FSTL4: variants seen among roughly 807,000 people sequenced by gnomAD.
The protein encoded by FSTL4 is follistatin like 4, also known as follistatin-related protein 4.
Under a neutral mutation model 78.2 loss-of-function variants are expected in FSTL4, and 28 were observed. That is an observed-to-expected ratio of 0.36 (90% CI 0.27 to 0.49). The LOEUF (loss-of-function observed/expected upper bound fraction) is 0.49, where lower values mean the gene tolerates loss of function less well. Among genes scored for constraint, FSTL4 ranks in the 20% least tolerant of loss-of-function variants. The pLI is 0.98. For synonymous variants in FSTL4, 422 were observed against 440.5 expected (o/e 0.96, Z 0.53); for missense variants, 922 against 1,084.9 (o/e 0.85, Z 2.11).
the FSTL4 span, among the ~76,000 whole-genome samples, chr5:133,774,497 G>A: frequency 6.6e-6 from 1 of 152,160 alleles, no homozygotes; most frequent in Admixed American, 6.5e-5. Flanking sequence ...TAGTGCTGAA[G>A]TTAAGAAACA....
At chr5:133,393,658 C>T (rs987977687) in intron 4 of FSTL4, among the ~76,000 whole-genome samples, 1 of 152,240 alleles carries the variant, frequency 6.6e-6, no homozygotes, top group African/African-American at 2.4e-5. Context: ...CAAGGCCAGA[C>T]CAGGCTGAAG....
chr5:133,490,359 A>T lies in FSTL4; in HGVS notation c.160+76827T>A, dbSNP rs930533764. Among the ~76,000 whole-genome samples the T allele has an allele frequency of 1.2e-4, 18 of 150,716 alleles. 1 individual carries two copies. The highest frequency in any genetic ancestry group is 4.1e-4 in the African/African-American group (17 of 41,454). On this transcript the variant is annotated intron_variant, in intron 3 of 15. Transcript: ENST00000265342. ...ACTGCCAGTCTTGTCAGAGTTTGAC[A>T]ATTTTAAAAGTTTTTTTTTTTTTTC...
At chr5:133,510,169 A>C (rs566241895) in intron 3 of FSTL4, among the ~76,000 whole-genome samples, 1 of 152,310 alleles carries the variant, frequency 6.6e-6, no homozygotes, top group African/African-American at 2.4e-5. Context: ...TGATTAACTA[A>C]TTTGTCTAAG....
chr5:133,453,468 T>A (rs1365850215), intron 3 of FSTL4, among the ~76,000 whole-genome samples: 1 of 152,188 alleles, frequency 6.6e-6, no homozygotes, highest in Non-Finnish European at 1.5e-5. Context: ...GGGCCTCACA[T>A]AGGGACCTAT....
In FSTL4 at chr5:133,225,916, C is replaced by A. The variant is rs1751319182; in HGVS notation, c.1016-97G>T. The A allele has an allele frequency of 4.6e-6, 4 of 877,178 alleles. No individual in the cohort carries two copies. The highest frequency in any genetic ancestry group is 2.4e-5 in the South Asian group (1 of 41,800). The allele number at this position is 877,178 out of a possible 1,614,324, so 54.3% of individuals were successfully genotyped here. A position where few individuals can be genotyped will look rare whatever the true frequency, so the allele number is the denominator to read the frequency against. The stretch of plus-strand genomic sequence containing the variant: ...AGACCCTGCTCCAGAGGGGGTGAAC[C>A]CAAGTAGGTGACTGGAGTTCTGTGT... On this transcript the variant is annotated intron_variant, in intron 8 of 15. Coordinates refer to ENST00000265342, the MANE Select transcript of FSTL4 (RefSeq NM_015082.2). The surrounding 1 kb of genome is among the most constrained non-coding windows in gnomAD (Gnocchi z 4.6).
intron 3 of FSTL4, among the ~76,000 whole-genome samples, chr5:133,411,410 G>A (rs900130060): frequency 6.6e-6 from 1 of 152,192 alleles, no homozygotes; most frequent in Non-Finnish European, 1.5e-5. Context: ...AATTTAAGGA[G>A]ATAATGGTCA....
At chr5:133,772,361 T>C in the FSTL4 span, among the ~76,000 whole-genome samples, 2 of 152,212 alleles carry the variant, frequency 1.3e-5, no homozygotes, top group Non-Finnish European at 2.9e-5. Flanking sequence ...TTGTGTTTTT[T>C]AGTGCAAAAT....
the FSTL4 span, among the ~76,000 whole-genome samples, chr5:133,640,704 A>G: frequency 6.6e-6 from 1 of 152,208 alleles, no homozygotes; most frequent in South Asian, 2.1e-4. Flanking sequence ...ATGGGATAAC[A>G]GATGATGAGT....
chr5:133,570,654 T>C lies in FSTL4; in HGVS notation c.127-3435A>G, dbSNP rs533412936. Among the ~76,000 whole-genome samples the C allele has an allele frequency of 6.6e-5, 10 of 152,326 alleles. No individual in the cohort carries two copies. In the South Asian group the frequency reaches 1.0e-3, roughly 16 times the overall value. On this transcript the variant is annotated intron_variant, in intron 2 of 15. Transcript: ENST00000265342. ...TGAAAATTTTATGAGATAAACTTCTTCTTTGTGCCATAAAAAAGTAGCTTG... is the reference window on the plus strand; with the variant it reads ...TGAAAATTTTATGAGATAAACTTCTCCTTTGTGCCATAAAAAAGTAGCTTG...
rs1361310469 is a variant in FSTL4, at chr5:133,236,902, G to A, written c.895-3365C>T. On this transcript the variant is annotated intron_variant, in intron 7 of 15. Transcript: ENST00000265342. The surrounding 1 kb of genome is among the most constrained non-coding windows in gnomAD (Gnocchi z 5.0). The stretch of plus-strand genomic sequence containing the variant: ...GCTTTCTGTACTTACCTTGTTTGCT[G>A]TCTGTCTTCCCCTGCAGAATGTGAG... 6.6e-6 allele frequency among the ~76,000 whole-genome samples: 1 copy of A among 152,196 alleles called. No homozygotes were observed. The highest frequency in any genetic ancestry group is 1.5e-5 in the Non-Finnish European group (1 of 68,032).
the FSTL4 span, among the ~76,000 whole-genome samples, chr5:133,663,846 G>T: frequency 6.6e-6 from 1 of 152,238 alleles, no homozygotes; most frequent in African/African-American, 2.4e-5. Context: ...ACAAGCCAGG[G>T]AGGCCATCCG....
At chr5:133,431,814 T>C (rs1756945519) in intron 3 of FSTL4, among the ~76,000 whole-genome samples, 1 of 152,188 alleles carries the variant, frequency 6.6e-6, no homozygotes, top group South Asian at 2.1e-4. Context: ...ACAAAACGCA[T>C]TGGCCACCTG....
rs192883404 is a variant in FSTL4, at chr5:133,249,667, A to G, written c.728-91T>C. On this transcript the variant is annotated intron_variant, in intron 6 of 15. Transcript: ENST00000265342. ...GAATAGCCATGAATTTCCTGGGTGG[A>G]AGAGGCCCAGAAGGGCTTCACGACT... 288 of 1,003,234 alleles carry G rather than the reference A, an allele frequency of 2.9e-4. 1 individual carries two copies. Among genetic ancestry groups the G allele is most frequent in the East Asian group, 7.0e-4 (28 of 39,722 alleles). 62.1% of individuals were successfully genotyped at this position (1,003,234 alleles called of 1,614,324 possible).
In FSTL4 at chr5:133,601,686, C is replaced by CT. The variant is rs1325674595; in HGVS notation, c.126+2171dup. 1.7e-3 allele frequency among the ~76,000 whole-genome samples: 226 copies of CT among 132,032 alleles called. 1 individual carries two copies. The highest frequency in any genetic ancestry group is 2.3e-3 in the Non-Finnish European group (142 of 61,904). 86.6% of individuals were successfully genotyped at this position (132,032 alleles called of 152,430 possible). A position where few individuals can be genotyped will look rare whatever the true frequency, so the allele number is the denominator to read the frequency against. Reference sequence around the variant, plus strand: ...TCGAGTTTTTTCTTTTTCTTTCTTTCTTTTTTTTTTTTCTCAGACATGGTC... The same window carrying CT: ...TCGAGTTTTTTCTTTTTCTTTCTTTCTTTTTTTTTTTTTCTCAGACATGGTC... On this transcript the variant is annotated intron_variant, in intron 2 of 15. Coordinates refer to ENST00000265342, the MANE Select transcript of FSTL4 (RefSeq NM_015082.2).
chr5:133,205,872 C>T (rs1331535708), intron 14 of FSTL4, among the ~76,000 whole-genome samples: 3 of 152,184 alleles, frequency 2.0e-5, no homozygotes, highest in African/African-American at 7.2e-5. Flanking sequence ...AAAATATCCT[C>T]AAAGCTTTGG....
chr5:133,363,515 T>C (rs1039981684), intron 4 of FSTL4, among the ~76,000 whole-genome samples: 1 of 152,158 alleles, frequency 6.6e-6, no homozygotes, highest in African/African-American at 2.4e-5. Flanking sequence ...CAGCCTGAAG[T>C]ACTCCGTCCA....
rs540177502 is a variant in FSTL4 at position 133,479,335 on chromosome 5, G to A, written c.161-78349C>T. ...TTGAGTGAATCAACCAGAAGGCACC[G>A]GCCTGGGCCAGCCAGACTCCACTGA... On this transcript the variant is annotated intron_variant, in intron 3 of 15. Coordinates refer to ENST00000265342, the MANE Select transcript of FSTL4 (RefSeq NM_015082.2). Among the ~76,000 whole-genome samples, 14 of 152,338 alleles carry A rather than the reference G, an allele frequency of 9.2e-5. No individual in the cohort carries two copies. The South Asian group carries it at 1.0e-3, about 11-fold the overall frequency.
At chr5:133,253,702 G>GC (rs1029928662) in intron 6 of FSTL4, among the ~76,000 whole-genome samples, 23 of 152,056 alleles carry the variant, frequency 1.5e-4, no homozygotes, top group African/African-American at 5.3e-4. Flanking sequence ...CCTCCAGTTT[G>GC]CCCCTGCTGC....
At chr5:133,682,753 G>A in the FSTL4 span, among the ~76,000 whole-genome samples, 36 of 152,324 alleles carry the variant, frequency 2.4e-4, no homozygotes, top group African/African-American at 8.4e-4. Context: ...CCTGCAGAAA[G>A]AGGATGCGGG....
Sources: allele counts gnomAD v4.1 joint callset (sites outside exome capture counted in the v4.1 genomes callset), GRCh38; gene constraint gnomAD v4.1.1; non-coding constraint Gnocchi (gnomAD v3.1); transcripts MANE v1.5; gene names NCBI Gene and HGNC (gene_info 2026-07-23, HGNC 2026-07-21).